Variants in MIOS observed in about 807,000 individuals in gnomAD.
MIOS encodes the protein GATOR2 complex protein MIOS.
A neutral mutation model predicts 96.9 loss-of-function variants in MIOS; 52 were observed. That is an observed-to-expected ratio of 0.54 (90% CI 0.43 to 0.68). MIOS has a LOEUF of 0.68. Ranked by LOEUF, MIOS falls within the 30% of genes least tolerant of loss-of-function variation. The probability of loss-of-function intolerance (pLI) is 0.00; values close to 1 mark genes in which losing one functional copy is unlikely to be tolerated. For synonymous variants in MIOS, 397 were observed against 359.5 expected (o/e 1.10, Z -1.18); for missense variants, 1,005 against 1,052.8 (o/e 0.95, Z 0.63).
At chr7:7,579,874 A>G (rs190791205) in intron 5 of MIOS, among the ~76,000 whole-genome samples, 112 of 152,326 alleles carry the variant, frequency 7.4e-4, no homozygotes, top group African/African-American at 2.6e-3. Context: ...AAATTGCGTA[A>G]TGACACATTT....
chr7:7,587,766 G>A (rs761512311), intron 7 of MIOS, among the ~76,000 whole-genome samples: 7 of 151,930 alleles, frequency 4.6e-5, no homozygotes, highest in Non-Finnish European at 2.9e-5. Context: ...GTGATCTTAC[G>A]GTTAAAAAAG....
intron 5 of MIOS, among the ~76,000 whole-genome samples, chr7:7,578,949 G>A (rs1338072030): frequency 6.6e-6 from 1 of 152,158 alleles, no homozygotes; most frequent in African/African-American, 2.4e-5. Context: ...AACCTCAAGT[G>A]ATCTGCCTGC....
At position 7,596,381 on chromosome 7, in the gene MIOS, G is replaced by A; in HGVS notation, c.2321G>A (p.Ser774Asn). 1 of 1,614,174 alleles carries A rather than the reference G, an allele frequency of 6.2e-7. No individual in the cohort carries two copies. The highest frequency in any genetic ancestry group is 8.5e-7 in the Non-Finnish European group (1 of 1,180,024). The change falls in exon 11 of 13, where the codon AGT becomes AAT. Residue 774 changes from serine to asparagine, a missense_variant. Coordinates refer to ENST00000340080, the MANE Select transcript of MIOS (RefSeq NM_019005.4). ...TCACCAACGAAATCTAAAGTCACAAGTTGTCCTGGCTGTCGAAAACCACTT... is the reference window on the plus strand; with the variant it reads ...TCACCAACGAAATCTAAAGTCACAAATTGTCCTGGCTGTCGAAAACCACTT... ...SGSPTKSKVT[S>N]CPGCRKPLPR...
Position 7,572,031 on chromosome 7 carries a change from G to T in MIOS, c.-40-405G>T, listed in dbSNP as rs573311912. ...TCTGTCATTGCAGAAAGTTTTATTG[G>T]GCAGTGCTGCTTTAAACTATTGCTT... On this transcript the variant is annotated intron_variant, in intron 3 of 12. Transcript: ENST00000340080. This position sits in a 1 kb window ranked among gnomAD's most constrained non-coding sequence, Gnocchi z 4.8. 1.3e-5 allele frequency among the ~76,000 whole-genome samples: 2 copies of T among 152,290 alleles called. No homozygotes were observed. Among genetic ancestry groups the T allele is most frequent in the Non-Finnish European group, 2.9e-5 (2 of 68,024 alleles).
chr7:7,568,888 G>A (rs571413432), intron 3 of MIOS, among the ~76,000 whole-genome samples: 3 of 152,250 alleles, frequency 2.0e-5, no homozygotes, highest in African/African-American at 7.2e-5. Context: ...AGTATTTTAG[G>A]TGCATAACAT....
intron 3 of MIOS, among the ~76,000 whole-genome samples, chr7:7,570,993 CA>C (rs1783333458): frequency 6.6e-6 from 1 of 151,990 alleles, no homozygotes; most frequent in Admixed American, 6.6e-5. Context: ...TTTGCAAGAT[CA>C]AAAAGAAAAG....
In MIOS at chr7:7,573,684, A is replaced by T. The variant is rs1351168853; in HGVS notation, c.1209A>T (p.Gly403=). Residue 403 remains glycine (G), a synonymous_variant, in exon 4 of 13, where the codon GGA becomes GGT. Coordinates refer to ENST00000340080, the MANE Select transcript of MIOS (RefSeq NM_019005.4). The surrounding 1 kb of genome is among the most constrained non-coding windows in gnomAD (Gnocchi z 5.0). ...GTCTTCGGGCTTTATCAAGGTATGGACTTGATACAGAGCAGGTGTGGAGGA... is the reference window on the plus strand; with the variant it reads ...GTCTTCGGGCTTTATCAAGGTATGGTCTTGATACAGAGCAGGTGTGGAGGA... ...KMRLRALSRY[G]LDTEQVWRNH... is the part of the protein sequence containing the mutation. 2 of 1,613,880 alleles carry T rather than the reference A, an allele frequency of 1.2e-6. No homozygotes were observed. Among genetic ancestry groups the T allele is most frequent in the Middle Eastern group, 3.3e-4 (2 of 6,060 alleles).
intron 5 of MIOS, among the ~76,000 whole-genome samples, chr7:7,574,784 CT>C (rs202002747): frequency 1.9e-4 from 28 of 146,624 alleles, no homozygotes; most frequent in African/African-American, 2.2e-4. Flanking sequence ...AAAAACCAAA[CT>C]TTTTTTTTTT....
intron 2 of MIOS, among the ~76,000 whole-genome samples, 157 bp downstream of exon 2, chr7:7,567,845 C>CA (rs1274757794): frequency 6.6e-6 from 1 of 151,856 alleles, no homozygotes; most frequent in Non-Finnish European, 1.5e-5. Flanking sequence ...GAGTTGGTGC[C>CA]AAAAAAACGT....
Position 7,573,593 on chromosome 7 carries a change from A to C in MIOS, c.1118A>C (p.His373Pro). Residue 373 changes from histidine (H) to proline (P), a missense_variant, in exon 4 of 13, where the codon CAT becomes CCT. Physicochemically the swap from His to Pro is moderately conservative, Grantham distance 77 (BLOSUM62 -2). Coordinates refer to ENST00000340080, the MANE Select transcript of MIOS (RefSeq NM_019005.4). The surrounding 1 kb of genome is among the most constrained non-coding windows in gnomAD (Gnocchi z 5.0). ...TCTTTAATGTGGGCTTGTGGTCGTCATTTATATGAATGTACGGAAGAAGAA... is the reference window on the plus strand; with the variant it reads ...TCTTTAATGTGGGCTTGTGGTCGTCCTTTATATGAATGTACGGAAGAAGAA... ...ITSLMWACGR[H>P]LYECTEEEND... 1 of 1,614,076 alleles carries C rather than the reference A, an allele frequency of 6.2e-7. No individual in the cohort carries two copies. The highest frequency in any genetic ancestry group is 8.5e-7 in the Non-Finnish European group (1 of 1,179,934).
chr7:7,588,448 TA>T, intron 7 of MIOS, 49 bp from the exon 8 acceptor site: 2 of 1,227,714 alleles, frequency 1.6e-6, no homozygotes, highest in South Asian at 1.8e-5. Context: ...TGCAAAAATT[TA>T]AAACCAGTGC....
At chr7:7,569,794 G>C (rs1173169373) in intron 3 of MIOS, among the ~76,000 whole-genome samples, 4 of 152,150 alleles carry the variant, frequency 2.6e-5, no homozygotes, top group Non-Finnish European at 5.9e-5. Context: ...AGGTTGAGCA[G>C]GTATTAACTT....
At chr7:7,599,122 TC>T (rs1784297886) in intron 11 of MIOS, among the ~76,000 whole-genome samples, 1 of 152,182 alleles carries the variant, frequency 6.6e-6, no homozygotes, top group South Asian at 2.1e-4. Context: ...GCCTTATCTG[TC>T]ATTTCAAAGT....
rs745349898 is a variant in MIOS, at chr7:7,606,986, A to C, written c.2532-10A>C. Reference sequence around the variant, plus strand: ...TGGATTTTTAACTGTTATTTGACCTATTTTTTTAGGGACCATGCAGAGTGC... The same window carrying C: ...TGGATTTTTAACTGTTATTTGACCTCTTTTTTTAGGGACCATGCAGAGTGC... On this transcript the variant is annotated splice_polypyrimidine_tract_variant and intron_variant, in intron 12 of 12. Transcript: ENST00000340080. The C allele has an allele frequency of 1.2e-5, 19 of 1,597,792 alleles. No homozygotes were observed. In the East Asian group the frequency reaches 4.0e-4, roughly 34 times the overall value.
intron 6 of MIOS, among the ~76,000 whole-genome samples, chr7:7,584,573 C>T (rs1219315386): frequency 2.6e-5 from 4 of 151,840 alleles, no homozygotes; most frequent in Admixed American, 6.6e-5. Flanking sequence ...GACCTTAAAT[C>T]TAATGTATTA....
At chr7:7,585,586 G>A in intron 6 of MIOS, 50 bp from the exon 7 acceptor site, 1 of 1,464,722 alleles carries the variant, frequency 6.8e-7, no homozygotes, top group Non-Finnish European at 9.2e-7. Context: ...ATGTAGAAGA[G>A]ATATTAAGCT....
chr7:7,604,916 C>G (rs1400996929), intron 11 of MIOS, among the ~76,000 whole-genome samples: 1 of 152,154 alleles, frequency 6.6e-6, no homozygotes, highest in Non-Finnish European at 1.5e-5. Context: ...TCTCTTCCCC[C>G]TTTCCTTTTT....
chr7:7,569,153 C>A (rs1783258450), intron 3 of MIOS, among the ~76,000 whole-genome samples: 1 of 152,172 alleles, frequency 6.6e-6, no homozygotes, highest in South Asian at 2.1e-4. Context: ...TAAGAGATTT[C>A]CTTTGTGGGG....
At chr7:7,597,517 T>TATATATAAAAAAA (rs372634070) in intron 11 of MIOS, among the ~76,000 whole-genome samples, 1 of 70,428 alleles carries the variant, frequency 1.4e-5, no homozygotes, top group Non-Finnish European at 2.7e-5. Context: ...TATATATATA[T>TATATATAAAAAAA]GAAGGCAATA....
Sources: allele counts gnomAD v4.1 joint callset (sites outside exome capture counted in the v4.1 genomes callset), GRCh38; gene constraint gnomAD v4.1.1; non-coding constraint Gnocchi (gnomAD v3.1); transcripts MANE v1.5; gene names NCBI Gene and HGNC (gene_info 2026-07-23, HGNC 2026-07-21).